Variants in EML1 observed in about 807,000 individuals in gnomAD.
EML1 encodes echinoderm microtubule-associated protein-like 1.
Under a neutral mutation model 110.4 loss-of-function variants are expected in EML1, and 27 were observed. That is an observed-to-expected ratio of 0.24 (90% CI 0.18 to 0.34). The LOEUF (loss-of-function observed/expected upper bound fraction) is 0.34. EML1 is among the 10% of genes least tolerant of loss of function. EML1 has a pLI of 1.00. For missense variants in EML1, 741 were observed against 1,030.9 expected (o/e 0.72, Z 3.85); for synonymous variants, 344 against 385.8 (o/e 0.89, Z 1.27).
chr14:99,896,616 G>A (rs2059675073), intron 6 of EML1, among the ~76,000 whole-genome samples: 1 of 151,956 alleles, frequency 6.6e-6, no homozygotes, highest in South Asian at 2.1e-4. Context: ...CATCTTGCCG[G>A]GTTACTTTTT....
chr14:99,758,465 C>A (rs988138115), intron 1 of EML1, among the ~76,000 whole-genome samples: 1 of 152,212 alleles, frequency 6.6e-6, no homozygotes, highest in Admixed American at 6.5e-5. Flanking sequence ...CTGATTTGTG[C>A]AGCCTGGGGG....
chr14:99,742,170 G>A (rs1219615751), intron 1 of EML1, among the ~76,000 whole-genome samples: 1 of 152,204 alleles, frequency 6.6e-6, no homozygotes, highest in East Asian at 1.9e-4. Flanking sequence ...CTCTCTGAGG[G>A]TCCAAGCCAG....
At chr14:99,831,460 G>C (rs1270436970) in intron 1 of EML1, among the ~76,000 whole-genome samples, 1 of 152,190 alleles carries the variant, frequency 6.6e-6, no homozygotes, top group African/African-American at 2.4e-5. Flanking sequence ...ATCGGCAGCT[G>C]TGGGCCAGGG....
chr14:99,743,462 A>G (rs1051718628), intron 1 of EML1, among the ~76,000 whole-genome samples: 1 of 152,118 alleles, frequency 6.6e-6, no homozygotes, highest in Non-Finnish European at 1.5e-5. Flanking sequence ...GTTGTTAGGC[A>G]TGTCCAGGTG....
chr14:99,832,170 A>AT (rs967951817), intron 1 of EML1, among the ~76,000 whole-genome samples: 2 of 152,136 alleles, frequency 1.3e-5, no homozygotes, highest in Non-Finnish European at 2.9e-5. Context: ...ACCCAGCACA[A>AT]TTTTGATATT....
At chr14:99,786,258 G>T (rs764546934) in intron 1 of EML1, among the ~76,000 whole-genome samples, 3 of 152,106 alleles carry the variant, frequency 2.0e-5, no homozygotes, top group Non-Finnish European at 4.4e-5. Flanking sequence ...CAGACAAGGG[G>T]TCTAGCAACA....
intron 17 of EML1, among the ~76,000 whole-genome samples, chr14:99,924,304 C>A (rs1049700728): frequency 1.3e-5 from 2 of 152,116 alleles, no homozygotes; most frequent in African/African-American, 4.8e-5. Flanking sequence ...CCTTTCTAAA[C>A]TTCTTTGATT....
chr14:99,831,297 T>A (rs1419542887), intron 1 of EML1, among the ~76,000 whole-genome samples: 1 of 152,198 alleles, frequency 6.6e-6, no homozygotes, highest in Non-Finnish European at 1.5e-5. Flanking sequence ...ATTCCATTGA[T>A]CATCCGGTCG....
At chr14:99,770,778 G>GGTTTTTTTTTTTTTT (rs1198007774), upstream of EML1, among the ~76,000 whole-genome samples, 1 of 79,544 alleles carries the variant, frequency 1.3e-5, no homozygotes, top group African/African-American at 4.4e-5. Flanking sequence ...AGTTTCCGCT[G>GGTTTTTTTTTTTTTT]ATTTTTTTTT....
At chr14:99,820,708 G>A (rs1331529824) in intron 1 of EML1, among the ~76,000 whole-genome samples, 4 of 152,136 alleles carry the variant, frequency 2.6e-5, no homozygotes, top group Non-Finnish European at 5.9e-5. Context: ...GTTCCAAATT[G>A]AAGCTATATT....
rs562881379 is a variant in EML1 at position 99,926,367 on chromosome 14, C to T, written c.1909+5490C>T. 1.8e-4 allele frequency among the ~76,000 whole-genome samples: 27 copies of T among 150,438 alleles called. 1 individual carries two copies. The South Asian group carries it at 5.7e-3, about 32-fold the overall frequency. Reference sequence around the variant, plus strand: ...TGGCATGATTTCAGCTCACTGTAACCTCTGCCTCCCAGATTCAAGCAATTC... The same window carrying T: ...TGGCATGATTTCAGCTCACTGTAACTTCTGCCTCCCAGATTCAAGCAATTC... On this transcript the variant is annotated intron_variant, in intron 17 of 21. Transcript: ENST00000262233.
chr14:99,847,255 CG>C (rs1566895475), intron 1 of EML1, among the ~76,000 whole-genome samples: 2 of 152,202 alleles, frequency 1.3e-5, no homozygotes, highest in East Asian at 3.9e-4. Flanking sequence ...GAAAATGTAC[CG>C]TATGCACTGC....
At chr14:99,814,360 C>T (rs944852683) in intron 1 of EML1, among the ~76,000 whole-genome samples, 12 of 152,124 alleles carry the variant, frequency 7.9e-5, no homozygotes, top group African/African-American at 1.2e-4. Context: ...ACTATAATCT[C>T]GAACTCCTGG....
In EML1 at chr14:99,937,871, A is replaced by T; in HGVS notation, c.2150A>T (p.Glu717Val). 2 of 1,614,138 alleles carry T rather than the reference A, an allele frequency of 1.2e-6. No individual in the cohort carries two copies. Among genetic ancestry groups the T allele is most frequent in the East Asian group, 4.5e-5 (2 of 44,890 alleles). Reference sequence around the variant, plus strand: ...AGTGTGGAAACTACAAGAGACATTGAATGGGCTACCTATACCTGCACTTTG... The same window carrying T: ...AGTGTGGAAACTACAAGAGACATTGTATGGGCTACCTATACCTGCACTTTG... ...VVSVETTRDIEWATYTCTLGF... is the reference protein window; with the variant it reads ...VVSVETTRDIVWATYTCTLGF... Residue 717 changes from glutamate (E) to valine (V), a missense_variant, in exon 20 of 22, where the codon GAA (glutamate) becomes GTA (valine). By Grantham distance (121) the Glu-to-Val change is moderately radical. Coordinates refer to ENST00000262233, the MANE Select transcript of EML1 (RefSeq NM_004434.3).
intron 1 of EML1, among the ~76,000 whole-genome samples, chr14:99,823,892 A>G (rs1434039573): frequency 2.6e-5 from 4 of 152,160 alleles, no homozygotes; most frequent in Admixed American, 2.0e-4. Context: ...TCCAGGCTAA[A>G]GTAACCACAG....
Position 99,898,317 on chromosome 14 carries a change from C to G in EML1, c.897+15C>G. ...AGGATGGAAAAGTGAGTTACGTTAC[C>G]TTTTCATTGTTTCATAATGAACTGG... On this transcript the variant is annotated intron_variant, in intron 8 of 21. Transcript: ENST00000262233. The G allele has an allele frequency of 6.2e-7, 1 of 1,606,552 alleles. No homozygotes were observed. The highest frequency in any genetic ancestry group is 8.5e-7 in the Non-Finnish European group (1 of 1,175,970).
At chr14:99,783,071 C>G (rs1435772780) in intron 1 of EML1, among the ~76,000 whole-genome samples, 1 of 151,762 alleles carries the variant, frequency 6.6e-6, no homozygotes, top group Non-Finnish European at 1.5e-5. Context: ...TATACATGTG[C>G]CATGTTGGTG....
chr14:99,810,023 G>A (rs1319212162), intron 1 of EML1, among the ~76,000 whole-genome samples: 1 of 152,222 alleles, frequency 6.6e-6, no homozygotes, highest in East Asian at 1.9e-4. Flanking sequence ...GTTCCTGGGT[G>A]GTTCCTGCTG....
chr14:99,902,155 C>T (rs2059773606), intron 9 of EML1, among the ~76,000 whole-genome samples: 1 of 152,172 alleles, frequency 6.6e-6, no homozygotes, highest in African/African-American at 2.4e-5. Context: ...ATTGAGTAAG[C>T]TTATCCTGCA....
Sources: allele counts gnomAD v4.1 joint callset (sites outside exome capture counted in the v4.1 genomes callset), GRCh38; gene constraint gnomAD v4.1.1; transcripts MANE v1.5; gene names NCBI Gene and HGNC (gene_info 2026-07-23, HGNC 2026-07-21).